Variants in ANO10 observed in about 807,000 individuals in gnomAD.
ANO10 encodes anoctamin-10.
Under a neutral mutation model 74.7 loss-of-function variants are expected in ANO10, and 77 were observed. The observed-to-expected ratio is 1.03, with a 90% CI of 0.86 to 1.25. ANO10 has a LOEUF of 1.25. Ranked by LOEUF, ANO10 falls within the 50% of genes most tolerant of loss-of-function variation. The pLI, the probability that ANO10 is intolerant of heterozygous loss-of-function variation, is 0.00. For synonymous variants in ANO10, 279 were observed against 284.9 expected, an observed-to-expected ratio of 0.98 and a Z score of 0.21; for missense variants, 721 against 778.1, an observed-to-expected ratio of 0.93 and a Z score of 0.87.
intron 1 of ANO10, among the ~76,000 whole-genome samples, chr3:43,633,128 G>A (rs894298587): frequency 1.3e-5 from 2 of 152,108 alleles, no homozygotes; most frequent in Non-Finnish European, 2.9e-5. Context: ...TTATTTTCAC[G>A]TATTAAAAGA....
intron 2 of ANO10, among the ~76,000 whole-genome samples, chr3:43,602,261 C>A (rs565090365): frequency 6.6e-6 from 1 of 152,280 alleles, no homozygotes; most frequent in African/African-American, 2.4e-5. Flanking sequence ...CCCAAATAGG[C>A]ACAGTGAGTG....
Position 43,368,369 on chromosome 3 carries a change from G to A in ANO10, c.1915-1395C>T, listed in dbSNP as rs181077361. On this transcript the variant is annotated intron_variant, in intron 12 of 12. Coordinates refer to ENST00000292246, the MANE Select transcript of ANO10 (RefSeq NM_018075.5). ...GGGGGTAGACACACAAGTTAACACTGGCCCAGGGACATGCCCTGTCCAAAT... is the reference window on the plus strand; with the variant it reads ...GGGGGTAGACACACAAGTTAACACTAGCCCAGGGACATGCCCTGTCCAAAT... 1.1e-3 allele frequency among the ~76,000 whole-genome samples: 169 copies of A among 152,252 alleles called. 1 individual carries two copies. The highest frequency in any genetic ancestry group is 3.8e-3 in the African/African-American group (157 of 41,530).
chr3:43,665,587 G>C lies in ANO10; in HGVS notation c.-12+25930C>G, dbSNP rs577368763. On this transcript the variant is annotated intron_variant, in intron 1 of 3. Transcript: ENST00000413397. ...GTGATCTTAAGGCACTTATTATGGA[G>C]AACTCAAGTTTGCCTTCTTTACTGT... Among the ~76,000 whole-genome samples the C allele has an allele frequency of 3.3e-5, 5 of 152,180 alleles. No homozygotes were observed. The South Asian group carries it at 1.0e-3, about 32-fold the overall frequency.
chr3:43,420,918 TC>T (rs1171579547), intron 12 of ANO10, among the ~76,000 whole-genome samples: 1 of 152,196 alleles, frequency 6.6e-6, no homozygotes, highest in Non-Finnish European at 1.5e-5. Context: ...AACAGTATAA[TC>T]TTTTAAAAAG....
chr3:43,663,188 T>C (rs1257462046), intron 1 of ANO10, among the ~76,000 whole-genome samples: 3 of 152,224 alleles, frequency 2.0e-5, no homozygotes, highest in Admixed American at 6.5e-5. Context: ...AAAAAGCTTA[T>C]CCACCATGAT....
intron 4 of ANO10, among the ~76,000 whole-genome samples, chr3:43,592,297 T>A (rs372885616): frequency 6.6e-6 from 1 of 152,198 alleles, no homozygotes; most frequent in African/African-American, 2.4e-5. Flanking sequence ...ACAGACTGCC[T>A]CCTCAAGTGG....
intron 12 of ANO10, among the ~76,000 whole-genome samples, chr3:43,392,590 C>T (rs542085219): frequency 3.9e-5 from 6 of 152,328 alleles, no homozygotes; most frequent in Admixed American, 6.5e-5. Flanking sequence ...TGCTCACACA[C>T]GTGTGTTTAT....
chr3:43,609,194 T>C (rs1047190316), intron 1 of ANO10, among the ~76,000 whole-genome samples: 1 of 152,172 alleles, frequency 6.6e-6, no homozygotes, highest in Non-Finnish European at 1.5e-5. Flanking sequence ...TTTCCCATGA[T>C]ACACAGCTTA....
intron 12 of ANO10, among the ~76,000 whole-genome samples, chr3:43,369,095 A>T (rs2091514923): frequency 6.6e-6 from 1 of 152,206 alleles, no homozygotes. Context: ...AAATGACCAA[A>T]CCCAATGTGA....
intron 7 of ANO10, among the ~76,000 whole-genome samples, chr3:43,566,831 G>C (rs2080380157): frequency 1.3e-5 from 2 of 152,220 alleles, no homozygotes; most frequent in Non-Finnish European, 2.9e-5. Context: ...AAGCTGGATG[G>C]AGAATAACTT....
chr3:43,609,280 G>C (rs2082703696), intron 1 of ANO10, among the ~76,000 whole-genome samples: 1 of 152,126 alleles, frequency 6.6e-6, no homozygotes. Context: ...TCTTCATTTT[G>C]AATTATCTAC....
chr3:43,586,545 A>G (rs562690692), intron 4 of ANO10, among the ~76,000 whole-genome samples: 1 of 152,238 alleles, frequency 6.6e-6, no homozygotes, highest in Admixed American at 6.5e-5. Flanking sequence ...AACATAAGTA[A>G]TAAAAAATAA....
At chr3:43,675,707 AC>A (rs2084113285) in intron 1 of ANO10, among the ~76,000 whole-genome samples, 1 of 152,054 alleles carries the variant, frequency 6.6e-6, no homozygotes. Flanking sequence ...ATCACTACAC[AC>A]CCATCAGAAT....
intron 12 of ANO10, among the ~76,000 whole-genome samples, chr3:43,394,363 C>G (rs1290488644): frequency 6.6e-6 from 1 of 152,148 alleles, no homozygotes; most frequent in Non-Finnish European, 1.5e-5. Flanking sequence ...ACCTTCCTGT[C>G]ATAAATATAC....
At chr3:43,625,299 A>G (rs2083481721), upstream of ANO10, among the ~76,000 whole-genome samples, 3 of 152,330 alleles carry the variant, frequency 2.0e-5, no homozygotes, top group African/African-American at 7.2e-5. Flanking sequence ...CTGGTTGACA[A>G]TTCCCTATTC....
chr3:43,601,859 C>T lies in ANO10; in HGVS notation c.140-1278G>A, dbSNP rs183841909. ...GTGAGCGTGGTAGCCGTGAAGGTACCCCACTCCACCAGCTCTCCCTTCAAG... is the reference window on the plus strand; with the variant it reads ...GTGAGCGTGGTAGCCGTGAAGGTACTCCACTCCACCAGCTCTCCCTTCAAG... On this transcript the variant is annotated intron_variant, in intron 2 of 12. Transcript: ENST00000292246. 2.6e-5 allele frequency among the ~76,000 whole-genome samples: 4 copies of T among 152,180 alleles called. No homozygotes were observed. The East Asian group carries it at 5.8e-4, about 22-fold the overall frequency.
intron 12 of ANO10, among the ~76,000 whole-genome samples, chr3:43,377,388 C>T (rs1387305894): frequency 1.3e-5 from 2 of 152,264 alleles, no homozygotes; most frequent in South Asian, 2.1e-4. Flanking sequence ...ACAGGGCCCA[C>T]AGCATCACTT....
chr3:43,588,117 T>C (rs534493227), intron 4 of ANO10, among the ~76,000 whole-genome samples: 55 of 152,278 alleles, frequency 3.6e-4, no homozygotes, highest in Middle Eastern at 3.4e-3. Flanking sequence ...TGACTACACA[T>C]AGTAATAGAA....
rs573390312 is a variant in ANO10, at chr3:43,505,619, T to C, written c.1797+44101A>G. On this transcript the variant is annotated intron_variant, in intron 11 of 12. Coordinates refer to ENST00000292246, the MANE Select transcript of ANO10 (RefSeq NM_018075.5). ...ACGTGCTCTTTCCAGTAAGTCATCTTTCAGATCACAGAACCAAAACACTGT... is the reference window on the plus strand; with the variant it reads ...ACGTGCTCTTTCCAGTAAGTCATCTCTCAGATCACAGAACCAAAACACTGT... 4.6e-5 allele frequency among the ~76,000 whole-genome samples: 7 copies of C among 152,344 alleles called. No individual in the cohort carries two copies. The South Asian group carries it at 1.4e-3, about 32-fold the overall frequency.
Sources: gnomAD v4.1 joint callset for allele counts (sites outside exome capture counted in the v4.1 genomes callset) on GRCh38, gnomAD v4.1.1 for gene constraint, MANE v1.5 for transcripts, NCBI Gene and HGNC (gene_info 2026-07-23, HGNC 2026-07-21) for gene names.